Variants in LIG4 observed in about 807,000 individuals in gnomAD.
The protein encoded by LIG4 is DNA joinase.
A neutral mutation model predicts 19.0 loss-of-function variants in LIG4; 13 were observed. The observed-to-expected ratio is 0.68, with a 90% CI of 0.44 to 1.09. The LOEUF (loss-of-function observed/expected upper bound fraction) is 1.09, where lower values mean the gene tolerates loss of function less well. Ranked by LOEUF, LIG4 falls within the 50% of genes least tolerant of loss-of-function variation. LIG4 has a pLI of 0.00. For synonymous variants in LIG4, 361 were observed against 358.2 expected, an observed-to-expected ratio of 1.01 and a Z score of -0.09; for missense variants, 1,026 against 1,089.7, an observed-to-expected ratio of 0.94 and a Z score of 0.82.
At chr13:108,217,321 G>C (rs978390651), upstream of LIG4, among the ~76,000 whole-genome samples, 5 of 152,248 alleles carry the variant, frequency 3.3e-5, no homozygotes, top group Non-Finnish European at 7.3e-5. Context: ...TTTGAGAGCA[G>C]CCTGGCCAAC....
chr13:108,217,633 G>A (rs191147329), upstream of LIG4, among the ~76,000 whole-genome samples: 1 of 152,024 alleles, frequency 6.6e-6, no homozygotes, highest in African/African-American at 2.4e-5. Context: ...GGAGGCGGAG[G>A]TTGCAGTGAG....
rs1190361777 is a variant in LIG4 at position 108,208,097 on chromosome 13, T to C, written c.*436A>G. The C allele has an allele frequency of 6.5e-6, 1 of 154,644 alleles. No homozygotes were observed. Among genetic ancestry groups the C allele is most frequent in the African/African-American group, 2.4e-5 (1 of 41,472 alleles). 9.6% of individuals were successfully genotyped at this position (154,644 alleles called of 1,614,324 possible). On this transcript the variant is annotated 3_prime_UTR_variant, in exon 3 of 3. Coordinates refer to ENST00000442234, the MANE Select transcript of LIG4 (RefSeq NM_206937.2). ...TTTTTACAAGTCCAGCTGTAACAAT[T>C]CTACCCTATTTTCTTGCAGTGCTTT...
chr13:108,210,744 T>C lies in LIG4; in HGVS notation c.525A>G (p.Ile175Met). The change falls in exon 3 of 3, where the codon ATA becomes ATG. Residue 175 changes from isoleucine to methionine, a missense_variant. Around this residue, in one of 3 missense-constraint regions of LIG4, gnomAD observed 493 missense variants for 544.5 expected, o/e 0.91. Transcript: ENST00000442234. ...DLIKKSLLQL[I>M]TQSSALEQKW... ...TTTGCTCAAGTGCTGAACTCTGAGT[T>C]ATAAGTTGAAGAAGGCTCTTTTTTA... is the stretch of plus-strand genomic sequence containing the variant. 2.5e-6 allele frequency: 4 copies of C among 1,614,072 alleles called. No homozygotes were observed. The highest frequency in any genetic ancestry group is 3.4e-6 in the Non-Finnish European group (4 of 1,179,988).
chr13:108,216,600 T>C (rs1162144946), upstream of LIG4, among the ~76,000 whole-genome samples: 1 of 152,240 alleles, frequency 6.6e-6, no homozygotes, highest in African/African-American at 2.4e-5. Flanking sequence ...TGTGATGTTG[T>C]AAAGTCTCAT....
chr13:108,210,662 T>G lies in LIG4; in HGVS notation c.607A>C (p.Ile203Leu). 1 of 1,613,844 alleles carries G rather than the reference T, an allele frequency of 6.2e-7. No homozygotes were observed. Among genetic ancestry groups the G allele is most frequent in the Non-Finnish European group, 8.5e-7 (1 of 1,179,958 alleles). The change falls in exon 3 of 3, where the codon ATC becomes CTC. Residue 203 changes from isoleucine to leucine, a missense_variant. By Grantham distance (5) the Ile-to-Leu change is conservative (BLOSUM62 2). Around this residue, in one of 3 missense-constraint regions of LIG4, gnomAD observed 493 missense variants for 544.5 expected, o/e 0.91. Transcript: ENST00000442234. Reference sequence around the variant, plus strand: ...GCATCATTATGAAAAACAGAAAAGATAGTTTGCTGACTAACACCAAGCTTT... The same window carrying G: ...GCATCATTATGAAAAACAGAAAAGAGAGTTTGCTGACTAACACCAAGCTTT... Reference protein sequence around the residue: ...DLKLGVSQQTIFSVFHNDAAE... With the variant: ...DLKLGVSQQTLFSVFHNDAAE...
At chr13:108,212,676 G>T (rs1878794509) in intron 2 of LIG4, among the ~76,000 whole-genome samples, 1 of 150,842 alleles carries the variant, frequency 6.6e-6, no homozygotes, top group Non-Finnish European at 1.5e-5. Context: ...CTTCCAATTC[G>T]CAAACAAATG....
chr13:108,213,022 T>C lies in LIG4; in HGVS notation c.-29+1516A>G, dbSNP rs3093750. ...GCAATGGTTTACAACAGCCATTTGG[T>C]GGCCTATAGAGAAAAAAGGTGCACT... On this transcript the variant is annotated intron_variant, in intron 2 of 2. Transcript: ENST00000442234. 5.5e-3 allele frequency among the ~76,000 whole-genome samples: 836 copies of C among 152,276 alleles called. 9 individuals carry two copies. The highest frequency in any genetic ancestry group is 0.019 in the African/African-American group (776 of 41,546).
Position 108,211,201 on chromosome 13 carries a change from A to C in LIG4, c.68T>G (p.Leu23Ter). ...TCCTTTACTTTTCTGTATTCGTTCT[A>C]AAGTTGAACACAAATCTGCAAAAGG... is the stretch of plus-strand genomic sequence containing the variant. Reference protein sequence around the residue: ...HVPFADLCSTLERIQKSKGRA... With the variant: ...HVPFADLCST Residue 23 changes from leucine (L) to a stop codon, truncating the protein, a stop_gained, in exon 3 of 3, where the codon TTA becomes TGA. Transcript: ENST00000442234. LOFTEE classifies it high-confidence loss of function. 6.2e-7 allele frequency: 1 copy of C among 1,613,398 alleles called. No individual in the cohort carries two copies. The highest frequency in any genetic ancestry group is 8.5e-7 in the Non-Finnish European group (1 of 1,179,952).
upstream of LIG4, chr13:108,218,248 G>A (rs1879414142): frequency 6.6e-6 from 1 of 152,302 alleles, no homozygotes; most frequent in Non-Finnish European, 1.5e-5. Context: ...GGAACTGGAG[G>A]GAGTCCTGGT....
At position 108,209,280 on chromosome 13, in the gene LIG4, C is replaced by G. The variant is rs367930171; in HGVS notation, c.1989G>C (p.Glu663Asp). 4.3e-6 allele frequency: 7 copies of G among 1,614,110 alleles called. No individual in the cohort carries two copies. Among genetic ancestry groups the G allele is most frequent in the Non-Finnish European group, 5.9e-6 (7 of 1,179,992 alleles). ...NKISNIFEDV[E>D]FCVMSGTDSQ... ...TATCTGTTCCACTCATAACACAAAACTCTACATCTTCAAATATATTAGAAA... is the reference window on the plus strand; with the variant it reads ...TATCTGTTCCACTCATAACACAAAAGTCTACATCTTCAAATATATTAGAAA... The change falls in exon 3 of 3, where the codon GAG (glutamate) becomes GAC (aspartate). Residue 663 changes from glutamate (E) to aspartate (D), a missense_variant. Around this residue, in one of 3 missense-constraint regions of LIG4, gnomAD observed 521 missense variants for 515.5 expected, o/e 1.01. Transcript: ENST00000442234.
chr13:108,215,333 G>T (rs1452429717), intron 1 of LIG4, among the ~76,000 whole-genome samples, 151 bp downstream of exon 1: 2 of 91,538 alleles, frequency 2.2e-5, no homozygotes, highest in Non-Finnish European at 4.5e-5. Context: ...CCTTCCCCCG[G>T]TCTGTTGCCC....
chr13:108,210,647 G>A lies in LIG4; in HGVS notation c.622C>T (p.His208Tyr). Residue 208 changes from histidine (H) to tyrosine (Y), a missense_variant, in exon 3 of 3, where the codon CAT (histidine) becomes TAT (tyrosine). Around this residue, in one of 3 missense-constraint regions of LIG4, gnomAD observed 493 missense variants for 544.5 expected, o/e 0.91. Transcript: ENST00000442234. The part of the protein sequence containing the change: ...VSQQTIFSVF[H>Y]NDAAELHNVT... ...TTATGCAACTCAGCAGCATCATTAT[G>A]AAAAACAGAAAAGATAGTTTGCTGA... 1 of 1,613,694 alleles carries A rather than the reference G, an allele frequency of 6.2e-7. No homozygotes were observed. Among genetic ancestry groups the A allele is most frequent in the South Asian group, 1.1e-5 (1 of 91,066 alleles).
intron 2 of LIG4, among the ~76,000 whole-genome samples, chr13:108,211,874 C>A (rs940003243): frequency 6.6e-6 from 1 of 152,062 alleles, no homozygotes; most frequent in African/African-American, 2.4e-5. Flanking sequence ...AAAACAGGTA[C>A]CCTCTTCTTC....
chr13:108,216,907 G>A (rs1879326367), upstream of LIG4, among the ~76,000 whole-genome samples: 1 of 151,408 alleles, frequency 6.6e-6, no homozygotes, highest in Non-Finnish European at 1.5e-5. Flanking sequence ...AGACAATCAA[G>A]GGTTTTTTTC....
upstream of LIG4, among the ~76,000 whole-genome samples, chr13:108,217,153 C>T (rs1426291567): frequency 4.6e-5 from 7 of 151,756 alleles, no homozygotes; most frequent in African/African-American, 1.7e-4. Context: ...CTGAGGTGAG[C>T]GGATCACTTG....
rs1275868948 is a variant in LIG4 at position 108,210,882 on chromosome 13, T to G, written c.387A>C (p.Ala129=). 2 of 1,614,048 alleles carry G rather than the reference T, an allele frequency of 1.2e-6. No homozygotes were observed. Among genetic ancestry groups the G allele is most frequent in the Admixed American group, 3.3e-5 (2 of 60,020 alleles). Residue 129 remains alanine (A), a synonymous_variant, in exon 3 of 3, where the codon GCA becomes GCC. Coordinates refer to ENST00000442234, the MANE Select transcript of LIG4 (RefSeq NM_206937.2). ...HGDAGDFAMI[A]YFVLKPRCLQ... is the part of the protein sequence containing the mutation. ...AACATCTTGGCTTCAACACAAAATA[T>G]GCAATCATTGCAAAGTCTCCAGCAT...
rs748625382 is a variant in LIG4 at position 108,208,899 on chromosome 13, T to C, written c.2370A>G (p.Glu790=). Residue 790 remains glutamate (E), a synonymous_variant, in exon 3 of 3, where the codon GAA becomes GAG. Transcript: ENST00000442234. Reference sequence around the variant, plus strand: ...AATCAGCAATCAGAGAAGCCATTTCTTCAGGAGTCTGCTCGTTAGAATTTT... The same window carrying C: ...AATCAGCAATCAGAGAAGCCATTTCCTCAGGAGTCTGCTCGTTAGAATTTT... The part of the protein sequence containing the change: ...GIKNSNEQTP[E]EMASLIADLE... 3.1e-6 allele frequency: 5 copies of C among 1,614,160 alleles called. No homozygotes were observed. The highest frequency in any genetic ancestry group is 4.2e-6 in the Non-Finnish European group (5 of 1,180,018).
rs1399575079 is a variant in LIG4, at chr13:108,209,277, A to G, written c.1992T>C (p.Phe664=). ...GGCTATCTGTTCCACTCATAACACA[A>G]AACTCTACATCTTCAAATATATTAG... ...KISNIFEDVE[F]CVMSGTDSQP... The change falls in exon 3 of 3, where the codon TTT becomes TTC. Residue 664 remains phenylalanine (F), a synonymous_variant. Transcript: ENST00000442234. 4 of 1,614,098 alleles carry G rather than the reference A, an allele frequency of 2.5e-6. No individual in the cohort carries two copies. The highest frequency in any genetic ancestry group is 3.3e-4 in the Middle Eastern group (2 of 6,062).
rs780698348 is a variant in LIG4, at chr13:108,211,161, G to C, written c.108C>G (p.Ile36Met). Residue 36 changes from isoleucine to methionine, a missense_variant, in exon 3 of 3, where the codon ATC becomes ATG. Ile to Met is a conservative substitution (Grantham distance 10, BLOSUM62 1). This residue lies in a region of LIG4 where 493 missense variants were observed against 544.5 expected (regional missense o/e 0.91). Transcript: ENST00000442234. ...IQKSKGRAEK[I>M]RHFREFLDSW... ...AATCTAAAAATTCCCTGAAGTGTCTGATTTTTTCTGCACGTCCTTTACTTT... is the reference window on the plus strand; with the variant it reads ...AATCTAAAAATTCCCTGAAGTGTCTCATTTTTTCTGCACGTCCTTTACTTT... 3.7e-6 allele frequency: 6 copies of C among 1,613,306 alleles called. No homozygotes were observed. Among genetic ancestry groups the C allele is most frequent in the Non-Finnish European group, 5.1e-6 (6 of 1,179,756 alleles).
Sources: gnomAD v4.1 joint callset for allele counts (sites outside exome capture counted in the v4.1 genomes callset) on GRCh38, gnomAD v4.1.1 for gene constraint, gnomAD v4.1.1 regional missense constraint, MANE v1.5 for transcripts, NCBI Gene and HGNC (gene_info 2026-07-23, HGNC 2026-07-21) for gene names.